RB1: variants seen among roughly 807,000 people sequenced by gnomAD.
The protein encoded by RB1 is RB transcriptional corepressor 1, also known as retinoblastoma-associated protein.
Under a neutral mutation model 135.4 loss-of-function variants are expected in RB1, and 18 were observed. The ratio of observed to expected loss-of-function variants is 0.13; its 90% CI spans 0.09 to 0.20. The LOEUF is 0.20. Ranked by LOEUF, RB1 falls within the 10% of genes least tolerant of loss-of-function variation. RB1 has a pLI of 1.00. For synonymous variants in RB1, 365 were observed against 373.2 expected (o/e 0.98, Z 0.25); for missense variants, 868 against 1,110.0 (o/e 0.78, Z 3.10).
rs541314097 is a variant in RB1 at position 48,436,983 on chromosome 13, T to C, written c.1696-16010T>C. Among the ~76,000 whole-genome samples, 7 of 152,354 alleles carry C rather than the reference T, an allele frequency of 4.6e-5. No homozygotes were observed. The East Asian group carries it at 7.7e-4, about 17-fold the overall frequency. The stretch of plus-strand genomic sequence containing the variant: ...TGTACTTACTTTGATAATCAGAATC[T>C]CTTTTAGGAGCACCTTGACTTAATA... On this transcript the variant is annotated intron_variant, in intron 17 of 26. Coordinates refer to ENST00000267163, the MANE Select transcript of RB1 (RefSeq NM_000321.3).
rs562532174 is a variant in RB1, at chr13:48,318,835, G to A, written c.264+11429G>A. 1,004 of 990,694 alleles carry A rather than the reference G, an allele frequency of 1.0e-3. 16 individuals carry two copies. In the South Asian group the frequency reaches 0.012, roughly 12 times the overall value. 61.4% of individuals were successfully genotyped at this position (990,694 alleles called of 1,614,324 possible). On this transcript the variant is annotated intron_variant, in intron 2 of 26. Transcript: ENST00000267163. Reference sequence around the variant, plus strand: ...TGCGAGCAGCTCTCACCTCTGGCCAGCAAACTCCCCGACTATGCCTTGAGG... The same window carrying A: ...TGCGAGCAGCTCTCACCTCTGGCCAACAAACTCCCCGACTATGCCTTGAGG...
intron 19 of RB1, 85 bp downstream of exon 19, chr13:48,456,434 C>T (rs1220449586): frequency 6.6e-7 from 1 of 1,526,276 alleles, no homozygotes; most frequent in East Asian, 2.4e-5. Context: ...TTTCTAGGTA[C>T]ATTACTGGGC....
chr13:48,325,959 TTTACC>T (rs891888687), intron 2 of RB1, among the ~76,000 whole-genome samples: 2 of 152,254 alleles, frequency 1.3e-5, no homozygotes, highest in Non-Finnish European at 2.9e-5. Context: ...CAAATCTCAC[TTTACC>T]AAAGAGGCCT....
At chr13:48,342,379 C>CT (rs1952453379) in intron 2 of RB1, among the ~76,000 whole-genome samples, 1 of 151,774 alleles carries the variant, frequency 6.6e-6, no homozygotes, top group Non-Finnish European at 1.5e-5. Flanking sequence ...CTTTCTAATA[C>CT]TTTTTTGCCT....
chr13:48,389,685 G>A (rs949446868), intron 17 of RB1: 1 of 152,080 alleles, frequency 6.6e-6, no homozygotes, highest in Non-Finnish European at 1.5e-5. Context: ...GGAGCTATAG[G>A]GTCCACTTCC....
Position 48,377,025 on chromosome 13 carries a change from T to A in RB1, c.1323T>A (p.Ile441=). 6.2e-7 allele frequency: 1 copy of A among 1,613,658 alleles called. No homozygotes were observed. Among genetic ancestry groups the A allele is most frequent in the Non-Finnish European group, 8.5e-7 (1 of 1,179,740 alleles). ...CTGTGGGACAGGGTTGTGTCGAAAT[T>A]GGATCACAGGTAACTTGAATTCATT... ...AKAVGQGCVE[I]GSQRYKLGVR... is the part of the protein sequence containing the mutation. Residue 441 remains isoleucine (I), a synonymous_variant, in exon 13 of 27, where the codon ATT becomes ATA. Coordinates refer to ENST00000267163, the MANE Select transcript of RB1 (RefSeq NM_000321.3).
intron 17 of RB1, among the ~76,000 whole-genome samples, chr13:48,420,100 G>A (rs1010096925): frequency 6.6e-6 from 1 of 152,092 alleles, no homozygotes; most frequent in East Asian, 1.9e-4. Flanking sequence ...GAAAATTTCG[G>A]CCAATATCCT....
chr13:48,431,060 A>G (rs1020663725), intron 17 of RB1, among the ~76,000 whole-genome samples: 2 of 152,250 alleles, frequency 1.3e-5, no homozygotes, highest in East Asian at 1.9e-4. Flanking sequence ...ACATCAGTCC[A>G]TCATATGAAT....
At chr13:48,348,480 A>C (rs1484814154) in intron 5 of RB1, among the ~76,000 whole-genome samples, 1 of 151,896 alleles carries the variant, frequency 6.6e-6, no homozygotes, top group Non-Finnish European at 1.5e-5. Context: ...TAAATTGGCA[A>C]ACTAAAGTCA....
rs751263356 is a variant in RB1 at position 48,367,578 on chromosome 13, A to T, written c.1024A>T (p.Thr342Ser). ...DARLFLDHDKTLQTDSIDSFE... is the reference protein window; with the variant it reads ...DARLFLDHDKSLQTDSIDSFE... ...AAGATTATTTTTGGATCATGATAAA[A>T]CTCTTCAGACTGATTCTATAGACAG... is the stretch of plus-strand genomic sequence containing the variant. The change falls in exon 10 of 27, where the codon ACT (threonine) becomes TCT (serine). Residue 342 changes from threonine (T) to serine (S), a missense_variant. Thr to Ser is a moderately conservative substitution (Grantham distance 58). Coordinates refer to ENST00000267163, the MANE Select transcript of RB1 (RefSeq NM_000321.3). The T allele has an allele frequency of 1.2e-6, 2 of 1,604,334 alleles. No individual in the cohort carries two copies. The highest frequency in any genetic ancestry group is 2.7e-5 in the African/African-American group (2 of 74,730).
chr13:48,398,864 G>A (rs1948668067), intron 17 of RB1, among the ~76,000 whole-genome samples: 2 of 152,148 alleles, frequency 1.3e-5, no homozygotes, highest in African/African-American at 4.8e-5. Context: ...GAGTAACAAG[G>A]GAAGTGTTTT....
chr13:48,325,968 G>A (rs1952283942), intron 2 of RB1, among the ~76,000 whole-genome samples: 1 of 152,058 alleles, frequency 6.6e-6, no homozygotes, highest in Non-Finnish European at 1.5e-5. Flanking sequence ...CTTTACCAAA[G>A]AGGCCTATCG....
At chr13:48,463,635 T>G in intron 20 of RB1, 96 bp from the exon 21 acceptor site, 2 of 827,582 alleles carry the variant, frequency 2.4e-6, no homozygotes, top group Non-Finnish European at 4.2e-6. Flanking sequence ...AGATTAAACC[T>G]TTCTTTTTTG....
At chr13:48,467,282 C>T (rs1949451992) in intron 23 of RB1, among the ~76,000 whole-genome samples, 1 of 124,438 alleles carries the variant, frequency 8.0e-6, no homozygotes, top group Non-Finnish European at 1.7e-5. Context: ...GAATTTTCAA[C>T]CCAGAATTTC....
intron 17 of RB1, chr13:48,408,578 A>C (rs1028622806): frequency 3.4e-4 from 52 of 152,236 alleles, no homozygotes; most frequent in African/African-American, 1.2e-3. Context: ...GGTTTTTCTG[A>C]ATAAAGGGGG....
At chr13:48,428,611 A>T (rs1300977453) in intron 17 of RB1, among the ~76,000 whole-genome samples, 1 of 152,262 alleles carries the variant, frequency 6.6e-6, no homozygotes, top group East Asian at 1.9e-4. Context: ...CAGACTTTTT[A>T]AAACACTAAA....
intron 23 of RB1, among the ~76,000 whole-genome samples, chr13:48,471,991 A>G (rs1383955062): frequency 6.6e-6 from 1 of 152,210 alleles, no homozygotes; most frequent in East Asian, 1.9e-4. Flanking sequence ...AAATTCTCAG[A>G]TGAAAGGTTG....
chr13:48,446,383 G>C (rs931543214), intron 17 of RB1, among the ~76,000 whole-genome samples: 2 of 152,154 alleles, frequency 1.3e-5, no homozygotes, highest in East Asian at 1.9e-4. Context: ...AGCCCTTACT[G>C]TGTGCCAGGT....
intron 5 of RB1, among the ~76,000 whole-genome samples, chr13:48,348,132 C>A (rs567647229): frequency 2.2e-4 from 33 of 152,076 alleles, no homozygotes; most frequent in African/African-American, 7.9e-4. Flanking sequence ...GCAACAAATG[C>A]AAATTCATTG....
Sources: allele counts gnomAD v4.1 joint callset (sites outside exome capture counted in the v4.1 genomes callset), GRCh38; gene constraint gnomAD v4.1.1; transcripts MANE v1.5; gene names NCBI Gene and HGNC (gene_info 2026-07-23, HGNC 2026-07-21).